CECR2: variants seen among roughly 807,000 people sequenced by gnomAD.
CECR2 encodes chromatin remodeling regulator CECR2.
A neutral mutation model predicts 154.5 loss-of-function variants in CECR2; 30 were observed. The ratio of observed to expected loss-of-function variants is 0.19; its 90% CI spans 0.15 to 0.26. The LOEUF is 0.26. CECR2 is among the 10% of genes least tolerant of loss of function. The probability of loss-of-function intolerance (pLI) is 1.00; values close to 1 mark genes in which losing one functional copy is unlikely to be tolerated. For synonymous variants in CECR2, 725 were observed against 683.7 expected (o/e 1.06, Z -0.94); for missense variants, 1,743 against 1,829.3 (o/e 0.95, Z 0.86).
chr22:17,418,917 A>G, intron 1 of CECR2: 1 of 192,778 alleles, frequency 5.2e-6, no homozygotes, highest in Non-Finnish European at 1.1e-5. Context: ...CCACAGGTAC[A>G]TCCTGGACTG....
chr22:17,513,466 A>G (rs1026321187), intron 8 of CECR2, among the ~76,000 whole-genome samples: 6 of 152,228 alleles, frequency 3.9e-5, no homozygotes, highest in African/African-American at 1.4e-4. Context: ...GTAACTAAAC[A>G]CATTCTACCT....
At chr22:17,431,362 G>A (rs2054419177) in intron 1 of CECR2, among the ~76,000 whole-genome samples, 1 of 152,164 alleles carries the variant, frequency 6.6e-6, no homozygotes, top group South Asian at 2.1e-4. Context: ...TTGATGGGAG[G>A]ATTATAGTGT....
chr22:17,542,037 T>C (rs1214291663), intron 15 of CECR2, 70 bp downstream of exon 15: 1 of 1,579,114 alleles, frequency 6.3e-7, no homozygotes, highest in Non-Finnish European at 8.6e-7. Flanking sequence ...AAAGTCTCTT[T>C]CCAGGTTAAA....
At chr22:17,448,400 A>G (rs1205807832) in intron 1 of CECR2, among the ~76,000 whole-genome samples, 1 of 152,206 alleles carries the variant, frequency 6.6e-6, no homozygotes, top group Non-Finnish European at 1.5e-5. Context: ...ATCGTATATG[A>G]TGCATGGAAA....
At chr22:17,397,644 C>T (rs930705329) in intron 1 of CECR2, among the ~76,000 whole-genome samples, 15 of 152,054 alleles carry the variant, frequency 9.9e-5, no homozygotes, top group African/African-American at 3.4e-4. Context: ...ACTACAGGCG[C>T]CCGCCACCAC....
At chr22:17,504,688 G>A (rs1032105273) in intron 6 of CECR2, among the ~76,000 whole-genome samples, 159 bp from the exon 7 acceptor site, 34 of 151,598 alleles carry the variant, frequency 2.2e-4, no homozygotes, top group Middle Eastern at 3.4e-3. Context: ...TGATCCGCCC[G>A]CCTCGGCCTC....
rs189586669 is a variant in CECR2 at position 17,552,064 on chromosome 22, G to C, written c.4311G>C (p.Ser1437=). ...MQMHPVQSQA[S]FPKTPTAATS... ...TGCACCCGGTCCAGTCGCAGGCCTC[G>C]TTCCCAAAGACCCCCACAGCAGCAA... is the stretch of plus-strand genomic sequence containing the variant. The change falls in exon 18 of 19, where the codon TCG becomes TCC. Residue 1437 remains serine, a synonymous_variant. Coordinates refer to ENST00000262608, the MANE Select transcript of CECR2 (RefSeq NM_001290047.2). 5.0e-4 allele frequency: 809 copies of C among 1,613,956 alleles called. No individual in the cohort carries two copies. The African/African-American group carries it at 9.5e-3, about 19-fold the overall frequency.
chr22:17,490,923 C>G (rs2055518094), intron 2 of CECR2, among the ~76,000 whole-genome samples: 1 of 152,126 alleles, frequency 6.6e-6, no homozygotes, highest in Non-Finnish European at 1.5e-5. Context: ...ACTATTCTTA[C>G]TGTCTCCACA....
chr22:17,364,138 T>A (rs1254330820), intron 1 of CECR2, among the ~76,000 whole-genome samples: 3 of 151,614 alleles, frequency 2.0e-5, no homozygotes, highest in Non-Finnish European at 4.4e-5. Context: ...GGTCAGAAGA[T>A]CTAGACCATC....
At chr22:17,381,957 G>T (rs2146474756) in intron 1 of CECR2, among the ~76,000 whole-genome samples, 1 of 151,134 alleles carries the variant, frequency 6.6e-6, no homozygotes, top group South Asian at 2.1e-4. Flanking sequence ...GCACAATCTT[G>T]GCTCACTGCG....
At chr22:17,506,086 A>C (rs758586915) in intron 7 of CECR2, among the ~76,000 whole-genome samples, 2 of 151,256 alleles carry the variant, frequency 1.3e-5, no homozygotes, top group Admixed American at 6.6e-5. Flanking sequence ...GCCTCAATCT[A>C]TCCTTCTGTC....
chr22:17,472,475 T>G (rs1175134243), intron 1 of CECR2, among the ~76,000 whole-genome samples: 2 of 152,224 alleles, frequency 1.3e-5, no homozygotes, highest in African/African-American at 4.8e-5. Context: ...ACAGAAGATC[T>G]CTGTCCTTTG....
chr22:17,427,141 G>A (rs1569075713), intron 1 of CECR2, among the ~76,000 whole-genome samples: 1 of 151,936 alleles, frequency 6.6e-6, no homozygotes. Context: ...ATAGTTTGAT[G>A]AGAATGATGG....
At chr22:17,473,662 C>G (rs1266564619) in intron 1 of CECR2, among the ~76,000 whole-genome samples, 1 of 152,186 alleles carries the variant, frequency 6.6e-6, no homozygotes, top group African/African-American at 2.4e-5. Flanking sequence ...CTGTGTGCCA[C>G]TGCTTCATTT....
intron 1 of CECR2, among the ~76,000 whole-genome samples, chr22:17,387,097 T>C (rs1259156178): frequency 1.3e-5 from 2 of 152,250 alleles, no homozygotes; most frequent in African/African-American, 2.4e-5. Flanking sequence ...CCTTTTGTAA[T>C]GATAATTTGT....
At chr22:17,383,738 C>T (rs1199263802) in intron 1 of CECR2, among the ~76,000 whole-genome samples, 4 of 146,644 alleles carry the variant, frequency 2.7e-5, no homozygotes, top group Admixed American at 7.0e-5. Flanking sequence ...GCTCTCAGCT[C>T]ACTGCAAACT....
In CECR2 at chr22:17,500,651, A is replaced by G; in HGVS notation, c.566A>G (p.Asn189Ser). The G allele has an allele frequency of 1.9e-6, 3 of 1,553,752 alleles. No homozygotes were observed. Among genetic ancestry groups the G allele is most frequent in the Non-Finnish European group, 2.6e-6 (3 of 1,148,952 alleles). ...SLSRESEGQK[N>S]VSSIPGKTGK... ...ATTAGGGAAAGTGAAGGACAAAAAAATGTCTCAAGTATTCCTGGAAAAACG... is the reference window on the plus strand; with the variant it reads ...ATTAGGGAAAGTGAAGGACAAAAAAGTGTCTCAAGTATTCCTGGAAAAACG... Residue 189 changes from asparagine (N) to serine (S), a missense_variant, in exon 5 of 19, where the codon AAT becomes AGT. Around this residue, in one of 4 missense-constraint regions of CECR2, gnomAD observed 292 missense variants for 301.2 expected, o/e 0.97. Coordinates refer to ENST00000262608, the MANE Select transcript of CECR2 (RefSeq NM_001290047.2).
At chr22:17,544,965 A>G (rs174339) in intron 16 of CECR2, among the ~76,000 whole-genome samples, 30,540 of 152,014 alleles carry the variant, frequency 0.2, 3,264 homozygotes, top group Admixed American at 0.29. Flanking sequence ...GAGCAAAACC[A>G]TGTCTCAATA....
chr22:17,365,320 A>G (rs555308760), upstream of CECR2, among the ~76,000 whole-genome samples: 95 of 152,358 alleles, frequency 6.2e-4, no homozygotes, highest in African/African-American at 2.1e-3. Context: ...TCCAAGGTTC[A>G]GTAATAATAA....
Sources: allele counts gnomAD v4.1 joint callset (sites outside exome capture counted in the v4.1 genomes callset), GRCh38; gene constraint gnomAD v4.1.1; regional missense constraint gnomAD v4.1.1; transcripts MANE v1.5; gene names NCBI Gene and HGNC (gene_info 2026-07-23, HGNC 2026-07-21).